The following DEUP1 variants were observed in gnomAD, a reference collection of about 807,000 sequenced individuals.
DEUP1 encodes deuterosome assembly protein 1.
In DEUP1, 82 loss-of-function variants were observed where a neutral mutation model predicts 87.4. The observed-to-expected ratio is 0.94, with a 90% CI of 0.78 to 1.13. The LOEUF (loss-of-function observed/expected upper bound fraction) is 1.13. Among genes scored for constraint, DEUP1 ranks in the 50% most tolerant of loss-of-function variants. DEUP1 has a pLI of 0.00. For synonymous variants in DEUP1, 214 were observed against 222.7 expected, an observed-to-expected ratio of 0.96 and a Z score of 0.35; for missense variants, 663 against 681.5, an observed-to-expected ratio of 0.97 and a Z score of 0.30.
At position 93,437,608 on chromosome 11, in the gene DEUP1, A is replaced by T; in HGVS notation, c.1704A>T (p.Lys568Asn). ...AGCATTTCCTTCTGGAAGAAGAGAA[A>T]CGAGCAAAAGAACTTGAAAAACTTC... ...AAQHFLLEEE[K>N]RAKELEKLLN... Residue 568 changes from lysine (K) to asparagine (N), a missense_variant, in exon 14 of 14, where the codon AAA becomes AAT. Physicochemically the swap from Lys to Asn is moderately conservative, Grantham distance 94. Coordinates refer to ENST00000298050, the MANE Select transcript of DEUP1 (RefSeq NM_181645.4). 6.2e-7 allele frequency: 1 copy of T among 1,613,170 alleles called. No individual in the cohort carries two copies. Among genetic ancestry groups the T allele is most frequent in the Non-Finnish European group, 8.5e-7 (1 of 1,179,220 alleles).
intron 2 of DEUP1, among the ~76,000 whole-genome samples, chr11:93,344,645 T>C (rs974583842): frequency 7.2e-5 from 11 of 152,222 alleles, no homozygotes; most frequent in Admixed American, 1.3e-4. Flanking sequence ...AAATGTAGCA[T>C]TTAATTACTT....
intron 7 of DEUP1, chr11:93,383,744 C>G (rs538898329): frequency 2.2e-6 from 1 of 461,758 alleles, no homozygotes; most frequent in East Asian, 3.4e-5. Flanking sequence ...TTTTCTATAG[C>G]CTTTACTAGC....
chr11:93,334,274 A>C (rs534067002), intron 2 of DEUP1, among the ~76,000 whole-genome samples: 2 of 152,316 alleles, frequency 1.3e-5, no homozygotes, highest in South Asian at 4.1e-4. Context: ...GGGACTTGTT[A>C]TGTAGCTTAT....
chr11:93,419,367 G>A (rs1199100148), intron 13 of DEUP1, among the ~76,000 whole-genome samples: 1 of 152,140 alleles, frequency 6.6e-6, no homozygotes. Flanking sequence ...CCTGTACTTT[G>A]TATGATAGCA....
intron 13 of DEUP1, among the ~76,000 whole-genome samples, chr11:93,433,319 C>T (rs139788801): frequency 2.6e-5 from 4 of 152,250 alleles, no homozygotes; most frequent in Non-Finnish European, 5.9e-5. Flanking sequence ...AGTTCAAGAC[C>T]AGTCTGGGCA....
intron 11 of DEUP1, among the ~76,000 whole-genome samples, chr11:93,398,691 C>T (rs139462220): frequency 2.0e-5 from 3 of 149,842 alleles, no homozygotes; most frequent in East Asian, 3.9e-4. Context: ...GCCCATTTTT[C>T]TTTTGGCTTA....
rs1434255176 is a variant in DEUP1, at chr11:93,355,060, A to G, written c.30-311A>G. Among the ~76,000 whole-genome samples the G allele has an allele frequency of 1.1e-4, 17 of 152,332 alleles. 1 individual carries two copies. Among genetic ancestry groups the G allele is most frequent in the Middle Eastern group, 3.4e-3 (1 of 294 alleles). ...TTCTGAAGTTATGATAGACATAGGT[A>G]TATGTATGCCTATATGGAAGAGCAT... On this transcript the variant is annotated intron_variant, in intron 2 of 13. Coordinates refer to ENST00000298050, the MANE Select transcript of DEUP1 (RefSeq NM_181645.4).
chr11:93,409,234 G>T (rs183059843), intron 12 of DEUP1, among the ~76,000 whole-genome samples: 26 of 152,262 alleles, frequency 1.7e-4, no homozygotes, highest in African/African-American at 6.3e-4. Flanking sequence ...ATCTATGGAT[G>T]TATAAGAGGT....
chr11:93,415,630 T>A (rs1202499390), intron 13 of DEUP1, among the ~76,000 whole-genome samples: 1 of 151,844 alleles, frequency 6.6e-6, no homozygotes, highest in Non-Finnish European at 1.5e-5. Context: ...TCCCTTCCAG[T>A]CTCTACTTCT....
chr11:93,391,808 T>C (rs1247444959), intron 9 of DEUP1, among the ~76,000 whole-genome samples: 1 of 151,872 alleles, frequency 6.6e-6, no homozygotes, highest in African/African-American at 2.4e-5. Flanking sequence ...AACTATAGAC[T>C]GACCGTGTTA....
In DEUP1 at chr11:93,401,394, T is replaced by A. The variant is rs568516378; in HGVS notation, c.1326+5069T>A. ...ACAGCGATTTACAGATTCAGTGTGA[T>A]CCCTATCAAAATGCCAATGACATTC... On this transcript the variant is annotated intron_variant, in intron 11 of 13. Coordinates refer to ENST00000298050, the MANE Select transcript of DEUP1 (RefSeq NM_181645.4). 3.9e-5 allele frequency among the ~76,000 whole-genome samples: 6 copies of A among 152,166 alleles called. No homozygotes were observed. The East Asian group carries it at 7.7e-4, about 20-fold the overall frequency.
intron 12 of DEUP1, among the ~76,000 whole-genome samples, chr11:93,409,454 C>A (rs771840547): frequency 1.3e-5 from 2 of 152,134 alleles, no homozygotes; most frequent in African/African-American, 2.4e-5. Context: ...ACAAAATAAG[C>A]AAGTTTATTT....
chr11:93,427,707 A>G (rs1412848512), intron 13 of DEUP1, among the ~76,000 whole-genome samples: 1 of 151,374 alleles, frequency 6.6e-6, no homozygotes, highest in African/African-American at 2.4e-5. Flanking sequence ...AATGGGAGAA[A>G]CTTTTCACAA....
intron 13 of DEUP1, among the ~76,000 whole-genome samples, chr11:93,436,871 T>C (rs1346342852): frequency 6.6e-6 from 1 of 152,226 alleles, no homozygotes; most frequent in East Asian, 1.9e-4. Context: ...TGTTGTCCTT[T>C]ATTCTTTAGC....
At chr11:93,408,017 T>C (rs1355489517) in intron 11 of DEUP1, among the ~76,000 whole-genome samples, 1 of 152,058 alleles carries the variant, frequency 6.6e-6, no homozygotes, top group Non-Finnish European at 1.5e-5. Context: ...ACATACATCA[T>C]TGCAAATGTG....
chr11:93,432,148 T>C (rs915271604), intron 13 of DEUP1, among the ~76,000 whole-genome samples: 1 of 152,166 alleles, frequency 6.6e-6, no homozygotes, highest in African/African-American at 2.4e-5. Flanking sequence ...GGTCATAATA[T>C]TGAGTGACCT....
chr11:93,370,889 T>C, intron 6 of DEUP1, 149 bp from the exon 7 acceptor site: 1 of 699,878 alleles, frequency 1.4e-6, no homozygotes, highest in Non-Finnish European at 2.4e-6. Flanking sequence ...TTAAAACAAA[T>C]ATAAGACTGA....
At chr11:93,356,570 A>G (rs1222646531) in intron 3 of DEUP1, among the ~76,000 whole-genome samples, 1 of 152,220 alleles carries the variant, frequency 6.6e-6, no homozygotes, top group Non-Finnish European at 1.5e-5. Context: ...TAATACCACT[A>G]AAACAGAGAT....
chr11:93,376,478 AT>A (rs200217476), intron 7 of DEUP1, among the ~76,000 whole-genome samples: 1,665 of 152,080 alleles, frequency 0.011, 33 homozygotes, highest in African/African-American at 0.038. Flanking sequence ...CTCCTGTTTC[AT>A]TTCTAATTGA....
Sources: allele counts gnomAD v4.1 joint callset (sites outside exome capture counted in the v4.1 genomes callset), GRCh38; gene constraint gnomAD v4.1.1; transcripts MANE v1.5; gene names NCBI Gene and HGNC (gene_info 2026-07-23, HGNC 2026-07-21).